Variants in STIM1 observed in about 807,000 individuals in gnomAD.
STIM1 encodes stromal interaction molecule 1.
A neutral mutation model predicts 74.7 loss-of-function variants in STIM1; 25 were observed. The observed-to-expected ratio is 0.33, with a 90% CI of 0.24 to 0.47. The LOEUF is 0.47. Ranked by LOEUF, STIM1 falls within the 20% of genes least tolerant of loss-of-function variation. STIM1 has a pLI of 1.00. For missense variants in STIM1, 728 were observed against 920.8 expected, an observed-to-expected ratio of 0.79 and a Z score of 2.71; for synonymous variants, 328 against 348.8, an observed-to-expected ratio of 0.94 and a Z score of 0.66.
At chr11:3,953,614 C>T (rs2093175401) in intron 1 of STIM1, among the ~76,000 whole-genome samples, 1 of 152,142 alleles carries the variant, frequency 6.6e-6, no homozygotes, top group South Asian at 2.1e-4. Context: ...TTTATGGCCT[C>T]AATTTTCTTC....
At chr11:3,973,646 C>T (rs1281232881) in intron 2 of STIM1, among the ~76,000 whole-genome samples, 1 of 152,172 alleles carries the variant, frequency 6.6e-6, no homozygotes, top group Non-Finnish European at 1.5e-5. Flanking sequence ...GATCCCCTGC[C>T]TCGGCCTCCC....
intron 4 of STIM1, among the ~76,000 whole-genome samples, chr11:4,057,517 C>G (rs1462813971): frequency 6.6e-6 from 1 of 152,158 alleles, no homozygotes; most frequent in African/African-American, 2.4e-5. Flanking sequence ...GGCTTTGCCA[C>G]TTACTTGTGT....
chr11:4,037,305 C>G (rs2094112067), intron 3 of STIM1, among the ~76,000 whole-genome samples: 1 of 152,186 alleles, frequency 6.6e-6, no homozygotes, highest in Non-Finnish European at 1.5e-5. Flanking sequence ...CCTTCCTCAA[C>G]CTCACAAAGT....
intron 3 of STIM1, among the ~76,000 whole-genome samples, chr11:4,040,020 C>T (rs925417262): frequency 4.6e-5 from 7 of 152,086 alleles, no homozygotes; most frequent in South Asian, 2.1e-4. Flanking sequence ...CTGCCTGCCT[C>T]GGCCTTCCAA....
rs138789013 is a variant in STIM1 at position 3,910,427 on chromosome 11, C to T, written c.139+54018C>T. On this transcript the variant is annotated intron_variant, in intron 1 of 12. Transcript: ENST00000526596. ...GAAGTAAGCAGAGGCTTTCCTGGAC[C>T]TCATCAAAAACTAAGGTCCAGCTGG... is the stretch of plus-strand genomic sequence containing the variant. Among the ~76,000 whole-genome samples, 206 of 152,214 alleles carry T rather than the reference C, an allele frequency of 1.4e-3. 1 individual carries two copies. Among genetic ancestry groups the T allele is most frequent in the Middle Eastern group, 3.4e-3 (1 of 294 alleles).
intron 1 of STIM1, among the ~76,000 whole-genome samples, chr11:3,878,466 T>G (rs2091378295): frequency 6.6e-6 from 1 of 152,176 alleles, no homozygotes; most frequent in Non-Finnish European, 1.5e-5. Context: ...TTTCTTTTTT[T>G]TTTTGATCCT....
chr11:3,899,829 G>A (rs928527742), intron 1 of STIM1, among the ~76,000 whole-genome samples: 1 of 151,516 alleles, frequency 6.6e-6, no homozygotes, highest in South Asian at 2.1e-4. Context: ...TTATTGATTT[G>A]TGTATATTGA....
intron 2 of STIM1, among the ~76,000 whole-genome samples, chr11:4,006,191 G>C (rs1590641573): frequency 6.6e-6 from 1 of 152,052 alleles, no homozygotes; most frequent in African/African-American, 2.4e-5. Flanking sequence ...ATGAGATCTG[G>C]TCATTTAGAA....
chr11:3,942,009 A>G (rs1363532401), intron 1 of STIM1, among the ~76,000 whole-genome samples: 1 of 152,170 alleles, frequency 6.6e-6, no homozygotes, highest in Admixed American at 6.5e-5. Flanking sequence ...AGTATATAAA[A>G]TGATCAAAAA....
intron 1 of STIM1, among the ~76,000 whole-genome samples, chr11:3,916,522 G>A (rs2092646494): frequency 6.6e-6 from 1 of 150,886 alleles, no homozygotes; most frequent in Non-Finnish European, 1.5e-5. Context: ...GGTGATCTCG[G>A]CTCACTGCAA....
At chr11:3,912,094 C>A (rs1304886518) in intron 1 of STIM1, among the ~76,000 whole-genome samples, 9 of 151,510 alleles carry the variant, frequency 5.9e-5, no homozygotes, top group African/African-American at 2.2e-4. Flanking sequence ...ACTGTCCTTC[C>A]ATTCCCTTCT....
chr11:3,877,082 GC>G (rs1330570209), intron 1 of STIM1, among the ~76,000 whole-genome samples: 1 of 150,690 alleles, frequency 6.6e-6, no homozygotes, highest in African/African-American at 2.5e-5. Flanking sequence ...TTTCTATAAG[GC>G]TTTACAGTAA....
chr11:3,930,187 C>T (rs1809782407), intron 1 of STIM1, among the ~76,000 whole-genome samples: 1 of 152,108 alleles, frequency 6.6e-6, no homozygotes, highest in African/African-American at 2.4e-5. Flanking sequence ...TTGACCTTCA[C>T]TATATGTAAG....
intron 2 of STIM1, among the ~76,000 whole-genome samples, chr11:4,010,891 C>G (rs1401160342): frequency 4.6e-5 from 7 of 152,102 alleles, no homozygotes; most frequent in East Asian, 1.9e-4. Flanking sequence ...CCAACAGGCC[C>G]TGGTGTATGA....
At chr11:3,989,060 C>T (rs2093583995) in intron 2 of STIM1, 5 of 1,238,438 alleles carry the variant, frequency 4.0e-6, no homozygotes, top group Non-Finnish European at 5.6e-6. Flanking sequence ...TCTAGAGCTA[C>T]TAAAAAACTT....
chr11:4,032,693 G>A (rs2094061557), intron 3 of STIM1, among the ~76,000 whole-genome samples: 1 of 152,064 alleles, frequency 6.6e-6, no homozygotes, highest in African/African-American at 2.4e-5. Flanking sequence ...CTTTCTCTGG[G>A]TACTATTTTT....
intron 1 of STIM1, among the ~76,000 whole-genome samples, chr11:3,891,873 C>T (rs547277074): frequency 6.6e-6 from 1 of 152,122 alleles, no homozygotes; most frequent in South Asian, 2.1e-4. Context: ...TGGGCTATAC[C>T]GCAAGTTGTA....
intron 3 of STIM1, among the ~76,000 whole-genome samples, chr11:4,026,954 T>C (rs1255355984): frequency 6.6e-6 from 1 of 152,164 alleles, no homozygotes; most frequent in South Asian, 2.1e-4. Flanking sequence ...TCCAGCTCCC[T>C]TTTTCTCCAT....
rs971095565 is a variant in STIM1 at position 4,092,596 on chromosome 11, T to C, written c.*798T>C. 4.6e-5 allele frequency: 7 copies of C among 152,516 alleles called. No homozygotes were observed. The highest frequency in any genetic ancestry group is 1.7e-4 in the African/African-American group (7 of 41,412). The allele number at this position is 152,516 out of a possible 1,614,324, so 9.4% of individuals were successfully genotyped here. On this transcript the variant is annotated 3_prime_UTR_variant, in exon 13 of 13. Transcript: ENST00000526596. ...CTCCCCCACACTGCAGGAGGATTTGTCTCTAAGAGGTGCTGCCCCAAAGCT... is the reference window on the plus strand; with the variant it reads ...CTCCCCCACACTGCAGGAGGATTTGCCTCTAAGAGGTGCTGCCCCAAAGCT...
Sources: gnomAD v4.1 joint callset for allele counts (sites outside exome capture counted in the v4.1 genomes callset) on GRCh38, gnomAD v4.1.1 for gene constraint, MANE v1.5 for transcripts, NCBI Gene and HGNC (gene_info 2026-07-23, HGNC 2026-07-21) for gene names.